Variants in ECE2 observed in about 807,000 individuals in gnomAD.
ECE2 encodes endothelin-converting enzyme 2.
A neutral mutation model predicts 100.6 loss-of-function variants in ECE2; 81 were observed. The ratio of observed to expected loss-of-function variants is 0.81; its 90% confidence interval spans 0.67 to 0.97. The LOEUF (loss-of-function observed/expected upper bound fraction) is 0.97, where lower values mean the gene tolerates loss of function less well. ECE2 is among the 50% of genes least tolerant of loss of function. The pLI is 0.00. For missense variants in ECE2, 911 were observed against 988.1 expected (o/e 0.92, Z 1.05); for synonymous variants, 391 against 391.5 (o/e 1.00, Z 0.02).
rs897684683 is a variant in ECE2, at chr3:184,284,069, C to T, written c.1005+96C>T. 3 of 1,431,382 alleles carry T rather than the reference C, an allele frequency of 2.1e-6. No individual in the cohort carries two copies. In the African/African-American group the frequency reaches 4.2e-5, roughly 20 times the overall value. 88.7% of individuals were successfully genotyped at this position (1,431,382 alleles called of 1,614,324 possible). On this transcript the variant is annotated intron_variant, in intron 8 of 18. Coordinates refer to ENST00000404464, the MANE Select transcript of ECE2 (RefSeq NM_001100121.2). ...ATGCCATCTCCCCAAGGCAGCCAGT[C>T]CTTTCCTCATTCCCTTGCTTTTCTG...
Position 184,276,188 on chromosome 3 carries a change from G to C in ECE2, c.35G>C (p.Ser12Thr). 6.9e-7 allele frequency: 1 copy of C among 1,447,062 alleles called. No homozygotes were observed. The highest frequency in any genetic ancestry group is 9.0e-7 in the Non-Finnish European group (1 of 1,105,722). The allele number at this position is 1,447,062 out of a possible 1,614,324, so 89.6% of individuals were successfully genotyped here. ...NVALQELGAG[S>T]NMVEYKRATL... Reference sequence around the variant, plus strand: ...GCGCTGCAGGAGCTGGGAGCTGGCAGCAACGTGAGTGGGGGCCCCGGGCTC... The same window carrying C: ...GCGCTGCAGGAGCTGGGAGCTGGCACCAACGTGAGTGGGGGCCCCGGGCTC... The change falls in exon 1 of 19, where the codon AGC becomes ACC. Residue 12 changes from serine to threonine, a missense_variant. Coordinates refer to ENST00000404464, the MANE Select transcript of ECE2 (RefSeq NM_001100121.2).
At chr3:184,284,106 T>C in intron 8 of ECE2, 133 bp downstream of exon 8, 1 of 1,105,584 alleles carries the variant, frequency 9.0e-7, no homozygotes, top group Admixed American at 2.4e-5. Flanking sequence ...GCTCCCCAGC[T>C]GCACTGCTGC....
Position 184,292,610 on chromosome 3 carries a change from G to A in ECE2, c.*372G>A. On this transcript the variant is annotated 3_prime_UTR_variant, in exon 19 of 19. Transcript: ENST00000404464. The stretch of plus-strand genomic sequence containing the variant: ...CCCACTGTGACCCACAGGCCTGGGT[G>A]GTGTACCTCCTGGACTTCTCCCCAG... The A allele has an allele frequency of 3.5e-6, 1 of 285,736 alleles. No individual in the cohort carries two copies. Among genetic ancestry groups the A allele is most frequent in the Non-Finnish European group, 6.8e-6 (1 of 147,292 alleles). The allele number at this position is 285,736 out of a possible 1,614,324, so 17.7% of individuals were successfully genotyped here. A position where few individuals can be genotyped will look rare whatever the true frequency, so the allele number is the denominator to read the frequency against.
rs1486396282 is a variant in ECE2 at position 184,285,401 on chromosome 3, A to C, written c.1149-77A>C. 1.4e-5 allele frequency: 17 copies of C among 1,189,066 alleles called. No homozygotes were observed. The East Asian group carries it at 3.7e-4, about 26-fold the overall frequency. The allele number at this position is 1,189,066 out of a possible 1,614,324, so 73.7% of individuals were successfully genotyped here. ...GCCTCTCGGGACTCCTGCAACTTGC[A>C]TGTTCCTGGGGGCTGGTTTGAGGGG... is the stretch of plus-strand genomic sequence containing the variant. On this transcript the variant is annotated intron_variant, in intron 9 of 18. Transcript: ENST00000404464.
chr3:184,289,879 A>G lies in ECE2; in HGVS notation c.1551+161A>G, dbSNP rs1266039075. 6.6e-6 allele frequency among the ~76,000 whole-genome samples: 1 copy of G among 152,236 alleles called. No homozygotes were observed. The highest frequency in any genetic ancestry group is 1.5e-5 in the Non-Finnish European group (1 of 68,046). On this transcript the variant is annotated intron_variant, in intron 13 of 18. Coordinates refer to ENST00000404464, the MANE Select transcript of ECE2 (RefSeq NM_001100121.2). This position sits in a 1 kb window ranked among gnomAD's most constrained non-coding sequence, Gnocchi z 4.1. The stretch of plus-strand genomic sequence containing the variant: ...ATTGTTAAAATGTTGGCTCTGTGAC[A>G]GGCTGCAGGCCAAACAGCAGTGAAA...
intron 7 of ECE2, among the ~76,000 whole-genome samples, chr3:184,279,844 G>A (rs1049637079): frequency 1.2e-4 from 18 of 152,094 alleles, no homozygotes; most frequent in African/African-American, 4.3e-4. Flanking sequence ...GAGAGCCATT[G>A]CATGCTCCAA....
intron 11 of ECE2, among the ~76,000 whole-genome samples, chr3:184,288,409 A>T (rs1339681635): frequency 6.6e-6 from 1 of 152,038 alleles, no homozygotes; most frequent in East Asian, 1.9e-4. Flanking sequence ...GGATTATAAG[A>T]GTCCTTTAAA....
Position 184,289,005 on chromosome 3 carries a change from A to G in ECE2, c.1375-432A>G, listed in dbSNP as rs1721186718. Among the ~76,000 whole-genome samples, 1 of 151,944 alleles carries G rather than the reference A, an allele frequency of 6.6e-6. No homozygotes were observed. Among genetic ancestry groups the G allele is most frequent in the African/African-American group, 2.4e-5 (1 of 41,336 alleles). On this transcript the variant is annotated intron_variant, in intron 11 of 18. Coordinates refer to ENST00000404464, the MANE Select transcript of ECE2 (RefSeq NM_001100121.2). The surrounding 1 kb of genome is among the most constrained non-coding windows in gnomAD (Gnocchi z 4.1). Reference sequence around the variant, plus strand: ...CCCCAGCTCTACTAAAAATACAAAAATTACCCGGGCATGATGGCGGGAGCC... The same window carrying G: ...CCCCAGCTCTACTAAAAATACAAAAGTTACCCGGGCATGATGGCGGGAGCC...
chr3:184,291,638 A>G lies in ECE2; in HGVS notation c.2121+199A>G. 1.8e-6 allele frequency: 1 copy of G among 548,244 alleles called. No individual in the cohort carries two copies. Among genetic ancestry groups the G allele is most frequent in the Non-Finnish European group, 3.2e-6 (1 of 313,588 alleles). The allele number at this position is 548,244 out of a possible 1,614,324, so 34.0% of individuals were successfully genotyped here. Reference sequence around the variant, plus strand: ...CACAAAGGCAGCCTGAAGAGGCCTGAGCGGGAGAATGCCTTGGTAGGATTT... The same window carrying G: ...CACAAAGGCAGCCTGAAGAGGCCTGGGCGGGAGAATGCCTTGGTAGGATTT... On this transcript the variant is annotated intron_variant, in intron 18 of 18. Coordinates refer to ENST00000404464, the MANE Select transcript of ECE2 (RefSeq NM_001100121.2). This position sits in a 1 kb window ranked among gnomAD's most constrained non-coding sequence, Gnocchi z 4.1.
rs370121815 is a variant in ECE2 at position 184,278,006 on chromosome 3, T to C, written c.560T>C (p.Ile187Thr). The C allele has an allele frequency of 6.2e-6, 10 of 1,613,942 alleles. No homozygotes were observed. The highest frequency in any genetic ancestry group is 2.2e-5 in the East Asian group (1 of 44,868). Residue 187 changes from isoleucine (I) to threonine (T), a missense_variant, in exon 5 of 19, where the codon ATT becomes ACT. By Grantham distance (89) the Ile-to-Thr change is moderately conservative. Coordinates refer to ENST00000404464, the MANE Select transcript of ECE2 (RefSeq NM_001100121.2). ...FYLSCLQVERIEELGAQPLRD... is the reference protein window; with the variant it reads ...FYLSCLQVERTEELGAQPLRD... ...CTATCTTGCCTACAGGTGGAGCGCA[T>C]TGAGGAGCTGGGAGCCCAGCCACTG...
Position 184,289,541 on chromosome 3 carries a change from C to CGGT in ECE2, c.1473+9_1473+11dup. The CGGT allele has an allele frequency of 6.2e-7, 1 of 1,613,144 alleles. No individual in the cohort carries two copies. Among genetic ancestry groups the CGGT allele is most frequent in the Non-Finnish European group, 8.5e-7 (1 of 1,179,542 alleles). On this transcript the variant is annotated splice_region_variant and intron_variant, in intron 12 of 18. Transcript: ENST00000404464. This position sits in a 1 kb window ranked among gnomAD's most constrained non-coding sequence, Gnocchi z 4.1. Reference sequence around the variant, plus strand: ...GCCAGGCAGCCAAGGAGAAAGTGAGCGGTGGCTAGGGTTGGGGCGCCATCT... The same window carrying CGGT: ...GCCAGGCAGCCAAGGAGAAAGTGAGCGGTGGTGGCTAGGGTTGGGGCGCCATCT...
intron 1 of ECE2, 59 bp downstream of exon 1, chr3:184,276,251 G>T: frequency 7.0e-7 from 1 of 1,438,714 alleles, no homozygotes; most frequent in Non-Finnish European, 9.1e-7. Context: ...CGAGGCAGAG[G>T]GGTCGGCCGC....
At position 184,290,628 on chromosome 3, in the gene ECE2, G is replaced by A; in HGVS notation, c.1727G>A (p.Gly576Asp). The stretch of plus-strand genomic sequence containing the variant: ...AAGAATGAGATCGTCTTCCCCGCTG[G>A]CATCCTGCAGGCCCCCTTCTATGCC... ...PTKNEIVFPA[G>D]ILQAPFYARN... The change falls in exon 15 of 19, where the codon GGC (glycine) becomes GAC (aspartate). Residue 576 changes from glycine (G) to aspartate (D), a missense_variant. Transcript: ENST00000404464. 1 of 1,614,186 alleles carries A rather than the reference G, an allele frequency of 6.2e-7. No individual in the cohort carries two copies. Among genetic ancestry groups the A allele is most frequent in the Non-Finnish European group, 8.5e-7 (1 of 1,180,040 alleles).
chr3:184,290,320 T>C lies in ECE2; in HGVS notation c.1617T>C (p.Val539=), dbSNP rs750216439. The C allele has an allele frequency of 3.1e-6, 5 of 1,614,086 alleles. No individual in the cohort carries two copies. The South Asian group carries it at 5.5e-5, about 18-fold the overall frequency. Reference sequence around the variant, plus strand: ...ATTTGTACAACTTCTCTGCCAAGGTTATGGCTGACCAGCTCCGCAAGCCTC... The same window carrying C: ...ATTTGTACAACTTCTCTGCCAAGGTCATGGCTGACCAGCTCCGCAAGCCTC... ...MLNLYNFSAK[V]MADQLRKPPS... Residue 539 remains valine (V), a synonymous_variant, in exon 14 of 19, where the codon GTT becomes GTC. Transcript: ENST00000404464.
intron 15 of ECE2, 48 bp from the exon 16 acceptor site, chr3:184,290,745 T>A: frequency 1.2e-6 from 2 of 1,612,976 alleles, no homozygotes; most frequent in Non-Finnish European, 1.7e-6. Flanking sequence ...GAGGTGGGAT[T>A]CAGAAGTACC....
Position 184,276,160 on chromosome 3 carries a change from G to C in ECE2, c.7G>C (p.Val3Leu), listed in dbSNP as rs538905731. 64 of 1,432,534 alleles carry C rather than the reference G, an allele frequency of 4.5e-5. No homozygotes were observed. The African/African-American group carries it at 8.4e-4, about 19-fold the overall frequency. 88.7% of individuals were successfully genotyped at this position (1,432,534 alleles called of 1,614,324 possible). A position where few individuals can be genotyped will look rare whatever the true frequency, so the allele number is the denominator to read the frequency against. ...CGCCTGGCCCGACTCCACCATGAAC[G>C]TCGCGCTGCAGGAGCTGGGAGCTGG... Reference protein sequence around the residue: MNVALQELGAGSN... With the variant: MNLALQELGAGSN... Residue 3 changes from valine to leucine, a missense_variant, in exon 1 of 19, where the codon GTC becomes CTC. Transcript: ENST00000404464.
chr3:184,282,656 C>T (rs553898416), intron 7 of ECE2, among the ~76,000 whole-genome samples: 32 of 152,284 alleles, frequency 2.1e-4, no homozygotes, highest in African/African-American at 7.2e-4. Context: ...GTACTGGACC[C>T]GAGCAGGGCC....
At chr3:184,279,966 C>T (rs896170217) in intron 7 of ECE2, among the ~76,000 whole-genome samples, 1 of 129,992 alleles carries the variant, frequency 7.7e-6, no homozygotes, top group Non-Finnish European at 1.6e-5. Flanking sequence ...ACTCCGTGCT[C>T]TGAGTCAGGA....
Position 184,291,257 on chromosome 3 carries a change from G to T in ECE2, c.2025+27G>T, listed in dbSNP as rs200175398. The T allele has an allele frequency of 2.5e-6, 4 of 1,602,390 alleles. No individual in the cohort carries two copies. Among genetic ancestry groups the T allele is most frequent in the East Asian group, 2.2e-5 (1 of 44,756 alleles). ...TGAGTGGCCTGACCAGCCCTCCAGC[G>T]GCTGAGGCCTGCTGGCCTGGGGTGA... On this transcript the variant is annotated intron_variant, in intron 17 of 18. Transcript: ENST00000404464. The surrounding 1 kb of genome is among the most constrained non-coding windows in gnomAD (Gnocchi z 4.1).
Sources: gnomAD v4.1 joint callset for allele counts (sites outside exome capture counted in the v4.1 genomes callset) on GRCh38, gnomAD v4.1.1 for gene constraint, Gnocchi (gnomAD v3.1) non-coding constraint, MANE v1.5 for transcripts, NCBI Gene and HGNC (gene_info 2026-07-23, HGNC 2026-07-21) for gene names.